The following CPQ variants were observed in gnomAD, a reference collection of about 807,000 sequenced individuals.
The protein encoded by CPQ is carboxypeptidase Q, also known as Ser-Met dipeptidase.
A neutral mutation model predicts 45.7 loss-of-function variants in CPQ; 37 were observed. That is an observed-to-expected ratio of 0.81 (90% CI 0.62 to 1.07). CPQ has a LOEUF of 1.07. CPQ is among the 50% of genes least tolerant of loss of function. The probability of loss-of-function intolerance (pLI) is 0.00; values close to 1 mark genes in which losing one functional copy is unlikely to be tolerated. For synonymous variants in CPQ, 186 were observed against 205.8 expected, an observed-to-expected ratio of 0.90 and a Z score of 0.82; for missense variants, 537 against 572.9, an observed-to-expected ratio of 0.94 and a Z score of 0.64.
intron 7 of CPQ, among the ~76,000 whole-genome samples, chr8:97,122,966 T>TA (rs1208230999): frequency 6.4e-4 from 37 of 57,390 alleles, no homozygotes; most frequent in East Asian, 2.1e-3. Context: ...TAAAATAAAA[T>TA]AAAATAAAAT....
At chr8:96,717,314 T>C (rs979144101) in intron 1 of CPQ, among the ~76,000 whole-genome samples, 7 of 151,824 alleles carry the variant, frequency 4.6e-5, no homozygotes, top group Admixed American at 4.6e-4. Context: ...CTGTTTTCCA[T>C]AGTGGTTTTA....
intron 1 of CPQ, among the ~76,000 whole-genome samples, chr8:96,719,041 G>A (rs982925888): frequency 9.2e-5 from 14 of 152,236 alleles, no homozygotes; most frequent in Non-Finnish European, 1.2e-4. Context: ...ATCCCGCACC[G>A]GGGCTGCAGG....
At chr8:96,906,535 C>T (rs1812579928) in intron 4 of CPQ, among the ~76,000 whole-genome samples, 1 of 152,084 alleles carries the variant, frequency 6.6e-6, no homozygotes, top group Non-Finnish European at 1.5e-5. Context: ...GCTGCTATAA[C>T]AAAATTATAA....
chr8:96,997,527 TTC>T (rs1809197912), intron 5 of CPQ, among the ~76,000 whole-genome samples: 1 of 152,130 alleles, frequency 6.6e-6, no homozygotes, highest in South Asian at 2.1e-4. Context: ...TATTTAAATA[TTC>T]TGTTTTTAAA....
At chr8:96,830,638 A>G (rs552584019) in intron 2 of CPQ, among the ~76,000 whole-genome samples, 54 of 152,240 alleles carry the variant, frequency 3.5e-4, no homozygotes, top group African/African-American at 1.3e-3. Flanking sequence ...AGAAATTAGT[A>G]TTATAATCCT....
chr8:96,915,763 T>C (rs1812725114), intron 4 of CPQ, among the ~76,000 whole-genome samples: 1 of 152,132 alleles, frequency 6.6e-6, no homozygotes, highest in South Asian at 2.1e-4. Flanking sequence ...TCCCTTTGGA[T>C]TGTAAGTTCC....
intron 1 of CPQ, among the ~76,000 whole-genome samples, chr8:96,704,889 C>A (rs1198435179): frequency 6.6e-6 from 1 of 152,044 alleles, no homozygotes; most frequent in Non-Finnish European, 1.5e-5. Flanking sequence ...ATTAAGTAGA[C>A]AATTGGCTAT....
intron 2 of CPQ, among the ~76,000 whole-genome samples, chr8:96,806,265 AAAATT>A (rs148958239): frequency 0.011 from 1,664 of 152,334 alleles, 40 homozygotes; most frequent in African/African-American, 0.036. Context: ...AAAATATAAT[AAAATT>A]GAGATAATTT....
At chr8:97,124,008 A>G (rs1811800748) in intron 7 of CPQ, among the ~76,000 whole-genome samples, 1 of 151,998 alleles carries the variant, frequency 6.6e-6, no homozygotes, top group Admixed American at 6.6e-5. Flanking sequence ...AGATCACAAC[A>G]AGGTCAGGAG....
At chr8:96,951,811 A>G (rs1354510717) in intron 4 of CPQ, among the ~76,000 whole-genome samples, 7 of 151,916 alleles carry the variant, frequency 4.6e-5, no homozygotes, top group Admixed American at 4.6e-4. Context: ...AAACATGCTT[A>G]TGCTTTTCAG....
At chr8:96,825,098 T>TG (rs1316409841) in intron 2 of CPQ, among the ~76,000 whole-genome samples, 4 of 151,984 alleles carry the variant, frequency 2.6e-5, no homozygotes, top group Non-Finnish European at 4.4e-5. Flanking sequence ...TACCCAGGTC[T>TG]GGGGGTGGAA....
At chr8:96,974,150 T>TA (rs1246178987) in intron 5 of CPQ, among the ~76,000 whole-genome samples, 3 of 152,150 alleles carry the variant, frequency 2.0e-5, no homozygotes, top group African/African-American at 7.2e-5. Flanking sequence ...AGGACTCACG[T>TA]AAACTTAAGA....
intron 1 of CPQ, among the ~76,000 whole-genome samples, chr8:96,698,270 G>C (rs766009830): frequency 6.6e-6 from 1 of 152,038 alleles, no homozygotes; most frequent in Non-Finnish European, 1.5e-5. Flanking sequence ...TTCAATAAGT[G>C]GTGCTGGGAA....
chr8:96,909,834 C>A (rs2130903564), intron 4 of CPQ, among the ~76,000 whole-genome samples: 1 of 152,270 alleles, frequency 6.6e-6, no homozygotes, highest in South Asian at 2.1e-4. Flanking sequence ...ATTACTTAGG[C>A]TTTTATTTTT....
At chr8:96,666,244 G>T (rs117271101) in intron 1 of CPQ, among the ~76,000 whole-genome samples, 1 of 152,278 alleles carries the variant, frequency 6.6e-6, no homozygotes, top group East Asian at 1.9e-4. Flanking sequence ...GGTCATGCTG[G>T]TGGGATGGGC....
intron 5 of CPQ, among the ~76,000 whole-genome samples, chr8:97,012,963 A>ATACTT (rs1809515815): frequency 6.6e-6 from 1 of 152,196 alleles, no homozygotes; most frequent in African/African-American, 2.4e-5. Flanking sequence ...GAGAGGCCAA[A>ATACTT]TACTTTCCTT....
intron 5 of CPQ, among the ~76,000 whole-genome samples, chr8:96,999,321 G>A (rs1809228604): frequency 6.6e-6 from 1 of 151,376 alleles, no homozygotes; most frequent in East Asian, 1.9e-4. Context: ...TTGTTGTACA[G>A]GTTATTTCAT....
intron 1 of CPQ, among the ~76,000 whole-genome samples, chr8:96,649,136 C>T (rs1209419887): frequency 6.6e-6 from 1 of 152,202 alleles, no homozygotes; most frequent in East Asian, 1.9e-4. Context: ...CCACTACAGC[C>T]TGGCTAATTT....
At chr8:96,953,368 C>T (rs1489640722) in intron 4 of CPQ, among the ~76,000 whole-genome samples, 5 of 152,106 alleles carry the variant, frequency 3.3e-5, no homozygotes, top group African/African-American at 1.2e-4. Context: ...CCTTGTGGGA[C>T]TGCTCAGGTT....
Sources: gnomAD v4.1 joint callset for allele counts (sites outside exome capture counted in the v4.1 genomes callset) on GRCh38, gnomAD v4.1.1 for gene constraint, MANE v1.5 for transcripts, NCBI Gene and HGNC (gene_info 2026-07-23, HGNC 2026-07-21) for gene names.